ADRA1A: variants seen among roughly 807,000 people sequenced by gnomAD.
ADRA1A encodes alpha-1A adrenergic receptor.
ADRA1A carries 31 observed loss-of-function variants against 29.6 expected under a neutral mutation model. The observed-to-expected ratio is 1.05, with a 90% CI of 0.79 to 1.41. The LOEUF is 1.41. ADRA1A is among the 40% of genes most tolerant of loss of function. The pLI is 0.00. For synonymous variants in ADRA1A, 311 were observed against 254.3 expected (o/e 1.22, Z -2.12); for missense variants, 619 against 601.1 (o/e 1.03, Z -0.31).
chr8:26,749,936 T>G (rs1804852346), intron 2 of ADRA1A, among the ~76,000 whole-genome samples: 1 of 152,218 alleles, frequency 6.6e-6, no homozygotes, highest in African/African-American at 2.4e-5. Flanking sequence ...CCATTAGTGT[T>G]TGGTTCATGG....
At position 26,841,627 on chromosome 8, in the gene ADRA1A, C is replaced by T. The variant is rs1811824609; in HGVS notation, c.883+22460G>A. On this transcript the variant is annotated intron_variant, in intron 2 of 2. Transcript: ENST00000380573. The surrounding 1 kb of genome is among the most constrained non-coding windows in gnomAD (Gnocchi z 4.4). Reference sequence around the variant, plus strand: ...TTCCTCACCTCCACTTTTATTTCCACATCCTCCATGACAAGCCTCCTGTCC... The same window carrying T: ...TTCCTCACCTCCACTTTTATTTCCATATCCTCCATGACAAGCCTCCTGTCC... Among the ~76,000 whole-genome samples the T allele has an allele frequency of 6.6e-6, 1 of 152,180 alleles. No individual in the cohort carries two copies. The highest frequency in any genetic ancestry group is 6.5e-5 in the Admixed American group (1 of 15,280).
rs1805980735 is a variant in ADRA1A, at chr8:26,769,496, A to G, written c.*653T>C. ...AGGATAGAGAACACTACATTCCAAG[A>G]CATCATGAGTGCCCCTCACTCTCAT... On this transcript the variant is annotated 3_prime_UTR_variant, in exon 3 of 3. Transcript: ENST00000380573. 1.0e-6 allele frequency: 1 copy of G among 985,310 alleles called. No individual in the cohort carries two copies. Among genetic ancestry groups the G allele is most frequent in the Non-Finnish European group, 1.2e-6 (1 of 829,938 alleles). 61.0% of individuals were successfully genotyped at this position (985,310 alleles called of 1,614,324 possible). A position where few individuals can be genotyped will look rare whatever the true frequency, so the allele number is the denominator to read the frequency against.
rs553335571 is a variant in ADRA1A at position 26,796,002 on chromosome 8, T to C, written c.884-25336A>G. 4.6e-5 allele frequency among the ~76,000 whole-genome samples: 7 copies of C among 152,226 alleles called. No homozygotes were observed. Among genetic ancestry groups the C allele is most frequent in the Admixed American group, 1.3e-4 (2 of 15,270 alleles). ...AAGTGTCCTAAGAAAATTGAAGATA[T>C]ATGATAATATAAAATTATTGTCAGC... On this transcript the variant is annotated intron_variant, in intron 2 of 2. Coordinates refer to ENST00000380573, the MANE Select transcript of ADRA1A (RefSeq NM_000680.4). The surrounding 1 kb of genome is among the most constrained non-coding windows in gnomAD (Gnocchi z 5.0).
intron 2 of ADRA1A, among the ~76,000 whole-genome samples, chr8:26,760,569 C>T (rs139967534): frequency 6.6e-6 from 1 of 152,310 alleles, no homozygotes; most frequent in Non-Finnish European, 1.5e-5. Flanking sequence ...CACTGACATA[C>T]CCTTAACCCA....
intron 2 of ADRA1A, among the ~76,000 whole-genome samples, chr8:26,824,538 T>C (rs547319301): frequency 6.6e-6 from 1 of 152,214 alleles, no homozygotes; most frequent in Admixed American, 6.5e-5. Context: ...AGAAAATTGA[T>C]GAGTTTGGGC....
chr8:26,754,557 C>T (rs1805068486), downstream of ADRA1A, among the ~76,000 whole-genome samples: 1 of 152,036 alleles, frequency 6.6e-6, no homozygotes, highest in African/African-American at 2.4e-5. Flanking sequence ...AGTCAGCCCA[C>T]ATTTGCTTCT....
At chr8:26,763,295 A>G (rs1315824135), downstream of ADRA1A, among the ~76,000 whole-genome samples, 3 of 152,092 alleles carry the variant, frequency 2.0e-5, no homozygotes, top group Admixed American at 1.3e-4. The surrounding 1 kb of genome is among the most constrained non-coding windows in gnomAD (Gnocchi z 4.5). Flanking sequence ...GGGGACTTCC[A>G]CTTGGGCAGG....
At chr8:26,763,938 T>A (rs536682137), downstream of ADRA1A, among the ~76,000 whole-genome samples, 1 of 152,330 alleles carries the variant, frequency 6.6e-6, no homozygotes, top group South Asian at 2.1e-4. This position sits in a 1 kb window ranked among gnomAD's most constrained non-coding sequence, Gnocchi z 4.5. Flanking sequence ...AAACTCCTAA[T>A]ATACATTAAA....
chr8:26,860,365 G>T lies in ADRA1A; in HGVS notation c.883+3722C>A, dbSNP rs1325767571. Among the ~76,000 whole-genome samples the T allele has an allele frequency of 6.6e-6, 1 of 152,126 alleles. No homozygotes were observed. Among genetic ancestry groups the T allele is most frequent in the Non-Finnish European group, 1.5e-5 (1 of 68,022 alleles). The stretch of plus-strand genomic sequence containing the variant: ...GATGCTCCCTAACCTGACCGAGTCT[G>T]TGTCTCTTCACACACACACTCTCTG... On this transcript the variant is annotated intron_variant, in intron 2 of 2. Transcript: ENST00000380573. This position sits in a 1 kb window ranked among gnomAD's most constrained non-coding sequence, Gnocchi z 4.7.
At position 26,770,500 on chromosome 8, in the gene ADRA1A, C is replaced by T; in HGVS notation, c.1050G>A (p.Gln350=). The T allele has an allele frequency of 6.2e-7, 1 of 1,614,212 alleles. No individual in the cohort carries two copies. Among genetic ancestry groups the T allele is most frequent in the Non-Finnish European group, 8.5e-7 (1 of 1,180,038 alleles). The stretch of plus-strand genomic sequence containing the variant: ...TGTAGCCCAGGGCATGTTTGGAAGA[C>T]TGCTTTCTGCAGAGACACTGGATTC... ...VLRIQCLCRK[Q]SSKHALGYTL... Residue 350 remains glutamine (Q), a synonymous_variant, in exon 3 of 3, where the codon CAG becomes CAA. Coordinates refer to ENST00000380573, the MANE Select transcript of ADRA1A (RefSeq NM_000680.4).
chr8:26,836,748 A>G (rs1276437316), intron 2 of ADRA1A, among the ~76,000 whole-genome samples: 1 of 152,224 alleles, frequency 6.6e-6, no homozygotes, highest in African/African-American at 2.4e-5. Flanking sequence ...ACAAAAATAA[A>G]CTACAAAGAG....
rs1563223542 is a variant in ADRA1A, at chr8:26,748,594, C to CTGGGCCTGGTGGCG, written c.1410_1423dup (p.Ser475ThrfsTer23). 4.8e-6 allele frequency: 2 copies of CTGGGCCTGGTGGCG among 418,614 alleles called. No homozygotes were observed. Among genetic ancestry groups the CTGGGCCTGGTGGCG allele is most frequent in the East Asian group, 1.6e-4 (2 of 12,306 alleles). The allele number at this position is 418,614 out of a possible 1,614,324, so 25.9% of individuals were successfully genotyped here. The stretch of plus-strand genomic sequence containing the variant: ...TCTCTACTAAAAATACAAAAATTAG[C>CTGGGCCTGGTGGCG]TGGGCCTGGTGGCGTCGGCCTGGTG... On this transcript the variant is annotated frameshift_variant, in exon 3 of 3. Transcript: ENST00000380586. LOFTEE classifies it high-confidence loss of function.
chr8:26,750,439 T>C (rs1213821272), intron 2 of ADRA1A, among the ~76,000 whole-genome samples: 1 of 152,096 alleles, frequency 6.6e-6, no homozygotes, highest in African/African-American at 2.4e-5. Flanking sequence ...TGAGCTCAAG[T>C]GATCCACTGG....
chr8:26,779,804 A>T (rs1033691400), intron 2 of ADRA1A, among the ~76,000 whole-genome samples: 3 of 152,178 alleles, frequency 2.0e-5, no homozygotes, highest in Non-Finnish European at 2.9e-5. Context: ...TGCTTGGAGC[A>T]CAGCACGGTT....
intron 2 of ADRA1A, among the ~76,000 whole-genome samples, chr8:26,776,045 C>T (rs370421326): frequency 3.2e-4 from 48 of 152,286 alleles, no homozygotes; most frequent in African/African-American, 6.5e-4. Flanking sequence ...AAAGGCTTGG[C>T]GACTAGAGTC....
chr8:26,808,787 C>T (rs1809177800), intron 2 of ADRA1A, among the ~76,000 whole-genome samples: 2 of 152,220 alleles, frequency 1.3e-5, no homozygotes, highest in Admixed American at 6.5e-5. Context: ...TGTTTTCTTG[C>T]ATAACATTTT....
intron 2 of ADRA1A, among the ~76,000 whole-genome samples, chr8:26,842,866 TACACACACACACACAC>T (rs57750998): frequency 2.0e-4 from 28 of 142,748 alleles, no homozygotes; most frequent in Admixed American, 1.1e-3. Flanking sequence ...TCTCTCTTTC[TACACACACACACACAC>T]ACACACACAC....
rs1808232373 is a variant in ADRA1A at position 26,796,971 on chromosome 8, C to T, written c.884-26305G>A. ...AGGGAGTCGTATTAGAGCATGAGTT[C>T]TCTCAGCGTTCTCCTCCAAAGGGTC... On this transcript the variant is annotated intron_variant, in intron 2 of 2. Coordinates refer to ENST00000380573, the MANE Select transcript of ADRA1A (RefSeq NM_000680.4). This position sits in a 1 kb window ranked among gnomAD's most constrained non-coding sequence, Gnocchi z 5.0. Among the ~76,000 whole-genome samples, 1 of 152,138 alleles carries T rather than the reference C, an allele frequency of 6.6e-6. No individual in the cohort carries two copies. The highest frequency in any genetic ancestry group is 2.1e-4 in the South Asian group (1 of 4,824).
At chr8:26,812,690 G>T (rs557055480) in intron 2 of ADRA1A, among the ~76,000 whole-genome samples, 12 of 149,854 alleles carry the variant, frequency 8.0e-5, no homozygotes, top group African/African-American at 2.0e-4. Context: ...TTTGAGATGG[G>T]GTCTCACTCT....
Sources: allele counts gnomAD v4.1 joint callset (sites outside exome capture counted in the v4.1 genomes callset), GRCh38; gene constraint gnomAD v4.1.1; non-coding constraint Gnocchi (gnomAD v3.1); transcripts MANE v1.5; gene names NCBI Gene and HGNC (gene_info 2026-07-23, HGNC 2026-07-21).